DMD: variants seen among roughly 807,000 people sequenced by gnomAD.
The protein encoded by DMD is dystrophin.
Under a neutral mutation model 330.1 loss-of-function variants are expected in DMD, and 63 were observed. That is an observed-to-expected ratio of 0.19 (90% CI 0.16 to 0.24). The LOEUF (loss-of-function observed/expected upper bound fraction) is 0.24. Ranked by LOEUF, DMD falls within the 10% of genes least tolerant of loss-of-function variation. The pLI is 1.00. For missense variants in DMD, 3,344 were observed against 2,684.1 expected (o/e 1.25, Z -5.43); for synonymous variants, 1,223 against 959.8 (o/e 1.27, Z -5.07).
chrX:32,588,205 CT>C (rs1430235923), intron 13 of DMD, among the ~76,000 whole-genome samples: 1 of 112,045 alleles, frequency 8.9e-6, no homozygotes, highest in Non-Finnish European at 1.9e-5. Flanking sequence ...AATTTAGATT[CT>C]AATAAAAGAG....
chrX:32,803,308 G>T (rs980087092), intron 7 of DMD, among the ~76,000 whole-genome samples: 1 of 111,101 alleles, frequency 9.0e-6, no homozygotes, highest in African/African-American at 3.3e-5. Flanking sequence ...GGGATCAGTG[G>T]TGATATCCCC....
intron 49 of DMD, among the ~76,000 whole-genome samples, chrX:31,831,719 C>A (rs935202060): frequency 2.7e-5 from 3 of 110,925 alleles, no homozygotes; most frequent in Admixed American, 9.6e-5. Context: ...CTGCCTCAGC[C>A]TCCCGAGTAG....
At chrX:32,465,671 C>G (rs1261933677) in intron 23 of DMD, among the ~76,000 whole-genome samples, 3 of 104,892 alleles carry the variant, frequency 2.9e-5, no homozygotes, top group Non-Finnish European at 5.8e-5. Context: ...CTGCAGCCTC[C>G]ACCTCCCAGG....
intron 52 of DMD, among the ~76,000 whole-genome samples, chrX:31,692,728 C>T (rs920595263): frequency 9.0e-6 from 1 of 111,390 alleles, no homozygotes; most frequent in Non-Finnish European, 1.9e-5. Context: ...AATTGGAAAT[C>T]TGAAAAGACC....
chrX:32,240,395 G>C (rs1238168134), intron 43 of DMD, among the ~76,000 whole-genome samples: 1 of 111,128 alleles, frequency 9.0e-6, no homozygotes, highest in Non-Finnish European at 1.9e-5. Context: ...CAGTTCCCTT[G>C]GACCTGCTGC....
At chrX:32,325,436 C>A (rs1228256246) in intron 41 of DMD, among the ~76,000 whole-genome samples, 1 of 111,753 alleles carries the variant, frequency 8.9e-6, no homozygotes, top group Non-Finnish European at 1.9e-5. Flanking sequence ...ATGGCCCCCT[C>A]TAATTGACTT....
chrX:31,167,153 T>C (rs1463020679), intron 74 of DMD, among the ~76,000 whole-genome samples: 1 of 111,559 alleles, frequency 9.0e-6, no homozygotes, highest in African/African-American at 3.3e-5. Context: ...CTTTATTATC[T>C]GGTTGAAGGC....
At chrX:31,719,369 T>C (rs111872462) in intron 52 of DMD, among the ~76,000 whole-genome samples, 145 of 112,232 alleles carry the variant, frequency 1.3e-3, no homozygotes, top group African/African-American at 4.3e-3. Context: ...ATAATCGCAA[T>C]TGCTTTCATC....
intron 44 of DMD, among the ~76,000 whole-genome samples, chrX:32,068,853 G>A (rs1181434900): frequency 9.0e-6 from 1 of 111,452 alleles, no homozygotes; most frequent in Non-Finnish European, 1.9e-5. Context: ...TAATATGGAA[G>A]TGAGGTAGGT....
chrX:32,734,397 C>T (rs2068135889), intron 7 of DMD, among the ~76,000 whole-genome samples: 1 of 102,889 alleles, frequency 9.7e-6, no homozygotes, highest in East Asian at 2.9e-4. Flanking sequence ...AGAGGGAATC[C>T]TCCCTAACTC....
intron 11 of DMD, among the ~76,000 whole-genome samples, chrX:32,618,952 A>T (rs999793691): frequency 4.3e-4 from 48 of 111,507 alleles, no homozygotes; most frequent in African/African-American, 1.6e-3. Flanking sequence ...ACAAAATCCC[A>T]CTATGAATTA....
At chrX:31,198,023 TAAAAAAA>T (rs61065027) in intron 67 of DMD, among the ~76,000 whole-genome samples, 4,672 of 64,845 alleles carry the variant, frequency 0.072, 300 homozygotes, top group East Asian at 0.51. Flanking sequence ...GTGTGGGAGC[TAAAAAAA>T]AAAAAAAAAA....
At chrX:32,117,836 T>TAG (rs757219301) in intron 44 of DMD, among the ~76,000 whole-genome samples, 11 of 111,468 alleles carry the variant, frequency 9.9e-5, no homozygotes, top group Non-Finnish European at 1.9e-4. Context: ...TATATGGACC[T>TAG]AGAAGGATTA....
intron 2 of DMD, among the ~76,000 whole-genome samples, chrX:32,952,341 T>C (rs1407586278): frequency 1.8e-5 from 2 of 110,025 alleles, no homozygotes; most frequent in Non-Finnish European, 3.8e-5. Flanking sequence ...ACCGCGTTGG[T>C]CAGGCTGGTC....
At chrX:32,543,934 G>T (rs1045808679) in intron 17 of DMD, among the ~76,000 whole-genome samples, 4 of 112,105 alleles carry the variant, frequency 3.6e-5, no homozygotes, top group Non-Finnish European at 7.5e-5. Flanking sequence ...AAATGAGTTT[G>T]GCTGTGTTCC....
chrX:31,792,884 G>A (rs1392718815), intron 50 of DMD, among the ~76,000 whole-genome samples: 4 of 111,924 alleles, frequency 3.6e-5, no homozygotes, highest in Admixed American at 2.8e-4. Flanking sequence ...CCCTCCACCA[G>A]CAAGGGCAAA....
At chrX:31,429,664 C>T (rs2063924089) in intron 60 of DMD, among the ~76,000 whole-genome samples, 1 of 111,472 alleles carries the variant, frequency 9.0e-6, no homozygotes, top group African/African-American at 3.3e-5. Context: ...ATCAATTCTA[C>T]CTCCTTCAGT....
chrX:32,229,649 C>CATAT (rs550544963), intron 43 of DMD, among the ~76,000 whole-genome samples: 1,370 of 61,177 alleles, frequency 0.022, 51 homozygotes, highest in African/African-American at 0.077. Context: ...ACATATTTTA[C>CATAT]ATATATATAT....
intron 7 of DMD, among the ~76,000 whole-genome samples, chrX:32,702,996 A>C (rs1053442115): frequency 9.0e-6 from 1 of 111,594 alleles, no homozygotes; most frequent in African/African-American, 3.3e-5. Context: ...TTATTCATTT[A>C]ACAATTAGTT....
Sources: allele counts gnomAD v4.1 joint callset (sites outside exome capture counted in the v4.1 genomes callset), GRCh38; gene constraint gnomAD v4.1.1; transcripts MANE v1.5; gene names NCBI Gene and HGNC (gene_info 2026-07-23, HGNC 2026-07-21).